STK3: variants seen among roughly 807,000 people sequenced by gnomAD.
The protein encoded by STK3 is serine/threonine kinase 3.
In STK3, 41 loss-of-function variants were observed where a neutral mutation model predicts 58.0. The observed-to-expected ratio is 0.71, with a 90% CI of 0.55 to 0.92. The LOEUF is 0.92. Ranked by LOEUF, STK3 falls within the 40% of genes least tolerant of loss-of-function variation. The pLI is 0.00. For missense variants in STK3, 479 were observed against 602.7 expected, an observed-to-expected ratio of 0.79 and a Z score of 2.15; for synonymous variants, 170 against 191.0, an observed-to-expected ratio of 0.89 and a Z score of 0.91.
chr8:98,729,781 AG>A, intron 4 of STK3, among the ~76,000 whole-genome samples: 1 of 152,358 alleles, frequency 6.6e-6, no homozygotes, highest in East Asian at 1.9e-4. Context: ...TAAGTCACAG[AG>A]AAGTTTAAAA....
intron 6 of STK3, among the ~76,000 whole-genome samples, chr8:98,628,477 G>T (rs1002077610): frequency 6.6e-6 from 1 of 152,036 alleles, no homozygotes; most frequent in Non-Finnish European, 1.5e-5. Flanking sequence ...ACACAAAGCA[G>T]GTGTTTCATA....
chr8:98,446,275 G>C lies in STK3; in HGVS notation n.186-9067C>G, dbSNP rs555551750. 1.5e-3 allele frequency among the ~76,000 whole-genome samples: 234 copies of C among 152,312 alleles called. 1 individual carries two copies. The highest frequency in any genetic ancestry group is 2.9e-3 in the Non-Finnish European group (196 of 68,032). On this transcript the variant is annotated intron_variant and non_coding_transcript_variant, in intron 1 of 3. Transcript: ENST00000517832. ...GCAATGACCACACGTGGGTGTCCAT[G>C]CCTGTACCAGGCTATAAGCACCAGC... is the stretch of plus-strand genomic sequence containing the variant.
chr8:98,474,789 A>G (rs1385790331), intron 10 of STK3, among the ~76,000 whole-genome samples: 1 of 152,168 alleles, frequency 6.6e-6, no homozygotes, highest in African/African-American at 2.4e-5. Context: ...ATAATTTTGC[A>G]TATGTCTCTG....
intron 3 of STK3, among the ~76,000 whole-genome samples, chr8:98,868,635 A>C (rs969874580): frequency 1.3e-5 from 2 of 152,174 alleles, no homozygotes; most frequent in African/African-American, 4.8e-5. Flanking sequence ...GTGGCCTCCA[A>C]AAAGATGTAT....
intron 3 of STK3, among the ~76,000 whole-genome samples, chr8:98,418,542 G>A (rs1433889200): frequency 2.0e-5 from 3 of 152,220 alleles, no homozygotes; most frequent in Non-Finnish European, 4.4e-5. Context: ...CACAGCAGAA[G>A]GGCGAGGGCT....
At chr8:98,475,873 T>C (rs72666618) in intron 10 of STK3, among the ~76,000 whole-genome samples, 4,557 of 152,318 alleles carry the variant, frequency 0.03, 106 homozygotes, top group South Asian at 0.061. Flanking sequence ...GCCTATGACC[T>C]TCTCAGCTCA....
intron 10 of STK3, among the ~76,000 whole-genome samples, chr8:98,467,251 G>A (rs1167130549): frequency 1.3e-5 from 2 of 152,044 alleles, no homozygotes; most frequent in East Asian, 1.9e-4. Context: ...CCTCCCACCA[G>A]GTTATAAATT....
chr8:98,860,707 G>A (rs997906615), intron 3 of STK3, among the ~76,000 whole-genome samples: 5 of 152,134 alleles, frequency 3.3e-5, no homozygotes, highest in Admixed American at 6.5e-5. Flanking sequence ...GGAGCATAAT[G>A]CTGAGGAAGA....
chr8:98,706,529 C>A lies in STK3; in HGVS notation c.622G>T (p.Gly208Cys). The A allele has an allele frequency of 6.2e-7, 1 of 1,613,840 alleles. No individual in the cohort carries two copies. Among genetic ancestry groups the A allele is most frequent in the African/African-American group, 1.3e-5 (1 of 75,016 alleles). Residue 208 changes from glycine (G) to cysteine (C), a missense_variant, in exon 6 of 11, where the codon GGC (glycine) becomes TGC (cysteine). Around this residue, in one of 3 missense-constraint regions of STK3, gnomAD observed 309 missense variants for 355.7 expected, o/e 0.87. Coordinates refer to ENST00000419617, the MANE Select transcript of STK3 (RefSeq NM_006281.4). ...TCAGCCATTTCTATAGAAGTAATGC[C>A]AAGGGACCAGATGTCGGCCACACAG... ...YNCVADIWSL[G>C]ITSIEMAEGK...
intron 1 of STK3, among the ~76,000 whole-genome samples, chr8:98,811,856 T>C (rs970137072): frequency 6.6e-6 from 1 of 152,234 alleles, no homozygotes; most frequent in African/African-American, 2.4e-5. Flanking sequence ...GAAGTCTTGG[T>C]CTGTCACCCA....
At chr8:98,927,326 A>T (rs998261315) in intron 1 of STK3, among the ~76,000 whole-genome samples, 4 of 152,188 alleles carry the variant, frequency 2.6e-5, no homozygotes, top group African/African-American at 9.7e-5. Context: ...CTTTTCTGTG[A>T]TTCATTGTGG....
chr8:98,787,182 A>C (rs896673388), intron 1 of STK3, among the ~76,000 whole-genome samples: 17 of 149,730 alleles, frequency 1.1e-4, no homozygotes, highest in Admixed American at 2.7e-4. Context: ...AAAAAAAAAA[A>C]AAAAAAAAAA....
At chr8:98,885,462 G>A (rs756847514) in intron 1 of STK3, among the ~76,000 whole-genome samples, 5 of 152,022 alleles carry the variant, frequency 3.3e-5, no homozygotes, top group Admixed American at 2.6e-4. Flanking sequence ...TGTTTGAGAC[G>A]GAGTTTCATT....
intron 4 of STK3, chr8:98,720,960 T>G: frequency 2.8e-6 from 1 of 363,516 alleles, no homozygotes; most frequent in Non-Finnish European, 3.8e-6. Context: ...TCCCTGAATA[T>G]CAGACAGAGT....
chr8:98,546,857 T>C (rs963078402), intron 9 of STK3, among the ~76,000 whole-genome samples: 6 of 152,144 alleles, frequency 3.9e-5, no homozygotes, highest in African/African-American at 1.2e-4. Flanking sequence ...CATTTTGTGC[T>C]TCATGATCCT....
intron 6 of STK3, among the ~76,000 whole-genome samples, chr8:98,706,057 G>GAA (rs553239922): frequency 7.2e-6 from 1 of 139,218 alleles, no homozygotes; most frequent in South Asian, 2.2e-4. Context: ...AGAAAAGGCA[G>GAA]AAAAAAAAAA....
intron 9 of STK3, among the ~76,000 whole-genome samples, chr8:98,530,304 C>T: frequency 6.6e-6 from 1 of 152,186 alleles, no homozygotes; most frequent in Non-Finnish European, 1.5e-5. Context: ...GATCCTCTCC[C>T]TCCTCCCAGC....
chr8:98,435,156 T>A (rs1471316062), intron 2 of STK3, among the ~76,000 whole-genome samples: 1 of 152,160 alleles, frequency 6.6e-6, no homozygotes, highest in African/African-American at 2.4e-5. Context: ...AATAACTATT[T>A]CCTTTGTGAA....
intron 10 of STK3, among the ~76,000 whole-genome samples, chr8:98,474,880 T>C (rs1347634137): frequency 1.3e-5 from 2 of 152,206 alleles, no homozygotes; most frequent in Non-Finnish European, 2.9e-5. Flanking sequence ...TACGTGAATA[T>C]AGGACTGGGC....
Sources: gnomAD v4.1 joint callset for allele counts (sites outside exome capture counted in the v4.1 genomes callset) on GRCh38, gnomAD v4.1.1 for gene constraint, gnomAD v4.1.1 regional missense constraint, MANE v1.5 for transcripts, NCBI Gene and HGNC (gene_info 2026-07-23, HGNC 2026-07-21) for gene names.